Variants in CNOT6 observed in about 807,000 individuals in gnomAD.
CNOT6 encodes CCR4-NOT transcription complex subunit 6, also known as carbon catabolite repression 4 protein.
CNOT6 carries 12 observed loss-of-function variants against 61.2 expected under a neutral mutation model. The ratio of observed to expected loss-of-function variants is 0.20; its 90% CI spans 0.13 to 0.32. The LOEUF (loss-of-function observed/expected upper bound fraction) is 0.32, where lower values mean the gene tolerates loss of function less well. CNOT6 is among the 10% of genes least tolerant of loss of function. CNOT6 has a pLI of 1.00. For missense variants in CNOT6, 405 were observed against 663.9 expected (o/e 0.61, Z 4.28); for synonymous variants, 225 against 240.6 (o/e 0.94, Z 0.60).
chr5:180,557,215 C>T (rs1759942665), intron 4 of CNOT6, among the ~76,000 whole-genome samples: 1 of 152,152 alleles, frequency 6.6e-6, no homozygotes, highest in Non-Finnish European at 1.5e-5. Context: ...ATTCAGTGTG[C>T]AGGTTATTGT....
intron 4 of CNOT6, among the ~76,000 whole-genome samples, chr5:180,558,065 G>T (rs1759988257): frequency 6.6e-6 from 1 of 152,150 alleles, no homozygotes; most frequent in Non-Finnish European, 1.5e-5. Flanking sequence ...ATTGATCTAT[G>T]TGTCCATCCT....
intron 2 of CNOT6, among the ~76,000 whole-genome samples, chr5:180,531,422 C>T (rs916966727): frequency 4.1e-5 from 6 of 147,872 alleles, no homozygotes; most frequent in African/African-American, 1.0e-4. Context: ...GCATCTCAGA[C>T]GATGGGCGGC....
At chr5:180,573,935 G>A in intron 11 of CNOT6, 53 bp from the exon 12 acceptor site, 1 of 1,225,860 alleles carries the variant, frequency 8.2e-7, no homozygotes, top group Non-Finnish European at 1.2e-6. Context: ...AAAGCACTGA[G>A]GATTTTAGTG....
intron 2 of CNOT6, among the ~76,000 whole-genome samples, chr5:180,539,865 A>C (rs1197793190): frequency 6.6e-6 from 1 of 151,984 alleles, no homozygotes; most frequent in Non-Finnish European, 1.5e-5. Flanking sequence ...CTGGGATTAC[A>C]GGCGTGAGCC....
intron 7 of CNOT6, 149 bp from the exon 8 acceptor site, chr5:180,566,939 C>A: frequency 1.4e-6 from 1 of 708,982 alleles, no homozygotes; most frequent in Non-Finnish European, 2.2e-6. Flanking sequence ...CAGACATGAG[C>A]CACCATGCCC....
intron 1 of CNOT6, among the ~76,000 whole-genome samples, chr5:180,503,975 T>C (rs1418031010): frequency 6.6e-6 from 1 of 152,198 alleles, no homozygotes; most frequent in Non-Finnish European, 1.5e-5. Context: ...TTTGATAATA[T>C]AGGAAAACCC....
chr5:180,503,517 G>A (rs950577055), intron 1 of CNOT6, among the ~76,000 whole-genome samples: 2 of 151,176 alleles, frequency 1.3e-5, no homozygotes, highest in Non-Finnish European at 2.9e-5. Context: ...TGCCTGCTTC[G>A]GCACCCCAAA....
chr5:180,508,830 A>AT (rs777763291), intron 1 of CNOT6, among the ~76,000 whole-genome samples: 15 of 117,924 alleles, frequency 1.3e-4, no homozygotes, highest in Non-Finnish European at 2.4e-4. Flanking sequence ...TATTATTATT[A>AT]TTATTTTTTT....
chr5:180,515,014 T>C (rs1407888362), intron 1 of CNOT6, among the ~76,000 whole-genome samples: 1 of 152,122 alleles, frequency 6.6e-6, no homozygotes, highest in East Asian at 1.9e-4. Context: ...TGTTTCCGTG[T>C]TGAGGAGGGC....
At chr5:180,503,430 AT>A in intron 1 of CNOT6, among the ~76,000 whole-genome samples, 2 of 151,080 alleles carry the variant, frequency 1.3e-5, no homozygotes, top group African/African-American at 4.9e-5. Context: ...TGCCTGGCTA[AT>A]TTTTTGCATT....
intron 1 of CNOT6, among the ~76,000 whole-genome samples, chr5:180,514,816 C>T (rs1757558672): frequency 6.6e-6 from 1 of 152,188 alleles, no homozygotes; most frequent in African/African-American, 2.4e-5. Context: ...CATGATTCCA[C>T]TGTACTGAAT....
rs1343344563 is a variant in CNOT6 at position 180,575,714 on chromosome 5, A to G, written c.*1514A>G. On this transcript the variant is annotated 3_prime_UTR_variant, in exon 12 of 12. Coordinates refer to ENST00000261951, the MANE Select transcript of CNOT6 (RefSeq NM_001370472.1). ...GTGAACATGTACATGGTCTGCTCTCATTTATTCATTCTTCTCTCAAAAGTC... is the reference window on the plus strand; with the variant it reads ...GTGAACATGTACATGGTCTGCTCTCGTTTATTCATTCTTCTCTCAAAAGTC... 6.6e-6 allele frequency: 1 copy of G among 152,586 alleles called. No homozygotes were observed. The highest frequency in any genetic ancestry group is 1.5e-5 in the Non-Finnish European group (1 of 68,028). The allele number at this position is 152,586 out of a possible 1,614,324, so 9.5% of individuals were successfully genotyped here. A position where few individuals can be genotyped will look rare whatever the true frequency, so the allele number is the denominator to read the frequency against.
intron 2 of CNOT6, among the ~76,000 whole-genome samples, chr5:180,531,325 G>C (rs1758361560): frequency 6.6e-6 from 1 of 150,678 alleles, no homozygotes; most frequent in Non-Finnish European, 1.5e-5. Flanking sequence ...GTCGGGCAGA[G>C]ACACTCCTCA....
At chr5:180,499,671 ACCTGGT>A (rs1756775111) in intron 1 of CNOT6, among the ~76,000 whole-genome samples, 2 of 152,322 alleles carry the variant, frequency 1.3e-5, no homozygotes, top group African/African-American at 4.8e-5. Flanking sequence ...TAAAAAAGGA[ACCTGGT>A]AAAAATGATA....
rs1248941715 is a variant in CNOT6, at chr5:180,508,312, A to AATTTGTTTTTTTAGTATG, written c.-3+13551_-3+13568dup. 3.0e-4 allele frequency among the ~76,000 whole-genome samples: 46 copies of AATTTGTTTTTTTAGTATG among 152,106 alleles called. 1 individual carries two copies. The highest frequency in any genetic ancestry group is 1.1e-3 in the African/African-American group (45 of 41,500). On this transcript the variant is annotated intron_variant, in intron 1 of 11. Coordinates refer to ENST00000261951, the MANE Select transcript of CNOT6 (RefSeq NM_001370472.1). Reference sequence around the variant, plus strand: ...GGGCAGGATTGAAGACCAAGATGATAATTTGTTTTTTTAGTATGAGACGGA... The same window carrying AATTTGTTTTTTTAGTATG: ...GGGCAGGATTGAAGACCAAGATGATAATTTGTTTTTTTAGTATGATTTGTTTTTTTAGTATGAGACGGA...
At chr5:180,512,976 AGCTCC>A (rs1344465812) in intron 1 of CNOT6, among the ~76,000 whole-genome samples, 2 of 148,712 alleles carry the variant, frequency 1.3e-5, no homozygotes, top group East Asian at 4.1e-4. Flanking sequence ...GCTCACTGCA[AGCTCC>A]GCCTCCTGGG....
At chr5:180,500,915 G>A (rs1349831720) in intron 1 of CNOT6, among the ~76,000 whole-genome samples, 2 of 152,066 alleles carry the variant, frequency 1.3e-5, no homozygotes, top group Admixed American at 6.6e-5. Context: ...AGGTCTTTAA[G>A]CTGGATTTTA....
At chr5:180,547,814 A>G (rs925969850) in intron 2 of CNOT6, among the ~76,000 whole-genome samples, 1 of 151,946 alleles carries the variant, frequency 6.6e-6, no homozygotes, top group Admixed American at 6.6e-5. Flanking sequence ...GCCCACTGCA[A>G]CCGCCACCTC....
At chr5:180,535,237 C>T (rs11740950) in intron 2 of CNOT6, among the ~76,000 whole-genome samples, 70,386 of 151,106 alleles carry the variant, frequency 0.47, 17,492 homozygotes, top group Non-Finnish European at 0.56. Context: ...TGTGTAGTGG[C>T]AAAGTCTGGC....
Sources: allele counts gnomAD v4.1 joint callset (sites outside exome capture counted in the v4.1 genomes callset), GRCh38; gene constraint gnomAD v4.1.1; transcripts MANE v1.5; gene names NCBI Gene and HGNC (gene_info 2026-07-23, HGNC 2026-07-21).